Variants in ZBTB45 observed in about 807,000 individuals in gnomAD.
The protein encoded by ZBTB45 is zinc finger and BTB domain containing 45, also known as zinc finger and BTB domain-containing protein 45.
A neutral mutation model predicts 28.4 loss-of-function variants in ZBTB45; 22 were observed. The observed-to-expected ratio is 0.77, with a 90% CI of 0.55 to 1.10. The LOEUF (loss-of-function observed/expected upper bound fraction) is 1.10, where lower values mean the gene tolerates loss of function less well. Among genes scored for constraint, ZBTB45 ranks in the 50% least tolerant of loss-of-function variants. The pLI is 0.00. For missense variants in ZBTB45, 656 were observed against 750.2 expected, an observed-to-expected ratio of 0.87 and a Z score of 1.47; for synonymous variants, 361 against 332.3, an observed-to-expected ratio of 1.09 and a Z score of -0.94.
intron 1 of ZBTB45, chr19:58,519,281 C>G (rs1254360195): frequency 6.6e-6 from 1 of 152,306 alleles, no homozygotes; most frequent in Non-Finnish European, 1.5e-5. Context: ...TGAAAGGATT[C>G]TAATCTGTCC....
upstream of ZBTB45, among the ~76,000 whole-genome samples, chr19:58,524,471 G>GTGTGTGTA (rs2053596841): frequency 1.3e-5 from 2 of 149,826 alleles, no homozygotes; most frequent in South Asian, 2.1e-4. Flanking sequence ...GTGTGTGTGT[G>GTGTGTGTA]TGTATGAACC....
chr19:58,516,629 G>C lies in ZBTB45; in HGVS notation c.1045C>G (p.Pro349Ala). ...PGPPAPPPSA[P>A]SGPAPAPPPA... is the part of the protein sequence containing the mutation. ...GGGGGCGCAGGGGCTGGCCCCGATG[G>C]TGCTGAAGGGGGTGGTGCGGGTGGC... Residue 349 changes from proline to alanine, a missense_variant, in exon 2 of 3, where the codon CCA becomes GCA. Physicochemically the swap from Pro to Ala is conservative, Grantham distance 27. This residue lies in a region of ZBTB45 where 448 missense variants were observed against 444.3 expected (regional missense o/e 1.01). Coordinates refer to ENST00000594051, the MANE Select transcript of ZBTB45 (RefSeq NM_001316979.2). This position sits in a 1 kb window ranked among gnomAD's most constrained non-coding sequence, Gnocchi z 6.2. 6 of 1,561,848 alleles carry C rather than the reference G, an allele frequency of 3.8e-6. No homozygotes were observed. Among genetic ancestry groups the C allele is most frequent in the Non-Finnish European group, 5.2e-6 (6 of 1,154,166 alleles).
At position 58,516,238 on chromosome 19, in the gene ZBTB45, C is replaced by G. The variant is rs896834802; in HGVS notation, c.1279+157G>C. On this transcript the variant is annotated intron_variant, in intron 2 of 2. Transcript: ENST00000594051. This position sits in a 1 kb window ranked among gnomAD's most constrained non-coding sequence, Gnocchi z 6.2. ...CACAGAGTGGGGCTTTCCCCTCCCC[C>G]ACATACCTTGCACTTGGGGGAAGGC... 6.6e-6 allele frequency among the ~76,000 whole-genome samples: 1 copy of G among 152,186 alleles called. No individual in the cohort carries two copies. The highest frequency in any genetic ancestry group is 1.5e-5 in the Non-Finnish European group (1 of 68,032).
rs1352395692 is a variant in ZBTB45 at position 58,517,127 on chromosome 19, C to T, written c.547G>A (p.Ala183Thr). The change falls in exon 2 of 3, where the codon GCG (alanine) becomes ACG (threonine). Residue 183 changes from alanine to threonine, a missense_variant. Transcript: ENST00000594051. The part of the protein sequence containing the change: ...QRQPARLQLP[A>T]PPTPAKAEGP... ...TCAGCCTTGGCAGGTGTTGGGGGCG[C>T]TGGCAGCTGCAAACGCGCGGGCTGG... 1.1e-5 allele frequency: 17 copies of T among 1,612,752 alleles called. No individual in the cohort carries two copies. The highest frequency in any genetic ancestry group is 1.7e-4 in the Middle Eastern group (1 of 6,056).
chr19:58,527,221 A>C, intron 1 of ZBTB45, among the ~76,000 whole-genome samples: 1 of 152,292 alleles, frequency 6.6e-6, no homozygotes, highest in East Asian at 1.9e-4. Flanking sequence ...CACCACCCAC[A>C]GTAGGTGTAA....
chr19:58,532,089 G>A (rs1201182301), intron 1 of ZBTB45, among the ~76,000 whole-genome samples: 1 of 152,136 alleles, frequency 6.6e-6, no homozygotes, highest in East Asian at 1.9e-4. Context: ...CAGAAGGGGC[G>A]AGGGCACCCA....
Position 58,536,158 on chromosome 19 carries a change from C to T in ZBTB45, c.-1+2543G>A, listed in dbSNP as rs534784016. ...AGTGCCTGGCCAACATGGTAAAACC[C>T]CCTCTCTACTAAGAATACAAAAATT... On this transcript the variant is annotated intron_variant, in intron 1 of 1. Coordinates refer to the ZBTB45 transcript ENST00000600130. Among the ~76,000 whole-genome samples the T allele has an allele frequency of 3.9e-5, 6 of 151,928 alleles. No homozygotes were observed. The South Asian group carries it at 1.3e-3, about 32-fold the overall frequency.
chr19:58,521,388 AG>A (rs1228581033), upstream of ZBTB45, among the ~76,000 whole-genome samples: 136 of 107,162 alleles, frequency 1.3e-3, 2 homozygotes, highest in African/African-American at 1.4e-3. Context: ...AAAAAAAGAA[AG>A]AAAGAAAAGA....
chr19:58,538,402 C>A (rs2053672621), intron 1 of ZBTB45, among the ~76,000 whole-genome samples: 1 of 151,710 alleles, frequency 6.6e-6, no homozygotes, highest in African/African-American at 2.4e-5. Context: ...GGGTGGTGGG[C>A]TGGAGGGGGC....
intron 1 of ZBTB45, among the ~76,000 whole-genome samples, chr19:58,525,126 T>G (rs987955421): frequency 2.0e-5 from 3 of 152,056 alleles, no homozygotes; most frequent in African/African-American, 7.2e-5. Context: ...TGTGCCTGAT[T>G]CCATCTCAGT....
intron 1 of ZBTB45, among the ~76,000 whole-genome samples, chr19:58,536,232 G>A (rs914347321): frequency 2.0e-4 from 30 of 152,186 alleles, no homozygotes; most frequent in African/African-American, 6.3e-4. Flanking sequence ...TTGGGAGGCC[G>A]AGATGGGTGG....
chr19:58,529,203 G>T (rs1390833295), intron 1 of ZBTB45, among the ~76,000 whole-genome samples: 1 of 152,202 alleles, frequency 6.6e-6, no homozygotes, highest in Non-Finnish European at 1.5e-5. Flanking sequence ...ACTTTGGGAG[G>T]CCAAGGCAGG....
In ZBTB45 at chr19:58,534,638, G is replaced by A. The variant is rs1015990791; in HGVS notation, c.-1+4063C>T. Among the ~76,000 whole-genome samples the A allele has an allele frequency of 4.8e-5, 7 of 145,858 alleles. No individual in the cohort carries two copies. The Admixed American group carries it at 4.9e-4, about 10-fold the overall frequency. The stretch of plus-strand genomic sequence containing the variant: ...GTGGCGCAATCTCGGCTCACTGCAA[G>A]CTCCACCTCCCAGGTTCACGCCATT... On this transcript the variant is annotated intron_variant, in intron 1 of 1. Transcript: ENST00000600130.
In ZBTB45 at chr19:58,516,965, A is replaced by G. The variant is rs767725760; in HGVS notation, c.709T>C (p.Phe237Leu). Reference protein sequence around the residue: ...GPGEGQAPPSFPDCAAGFLTA... With the variant: ...GPGEGQAPPSLPDCAAGFLTA... ...AGGAAGCCAGCAGCACAGTCTGGGA[A>G]GGAAGGAGGTGCCTGGCCCTCGCCT... is the stretch of plus-strand genomic sequence containing the variant. Residue 237 changes from phenylalanine (F) to leucine (L), a missense_variant, in exon 2 of 3, where the codon TTC becomes CTC. By Grantham distance (22) the Phe-to-Leu change is conservative. This residue lies in a region of ZBTB45 where 448 missense variants were observed against 444.3 expected (regional missense o/e 1.01). Transcript: ENST00000594051. This position sits in a 1 kb window ranked among gnomAD's most constrained non-coding sequence, Gnocchi z 6.2. 1.2e-6 allele frequency: 2 copies of G among 1,613,140 alleles called. No homozygotes were observed. The highest frequency in any genetic ancestry group is 2.7e-5 in the African/African-American group (2 of 74,918).
In ZBTB45 at chr19:58,515,010, A is replaced by C. The variant is rs2053472823; in HGVS notation, c.1280-700T>G. On this transcript the variant is annotated intron_variant, in intron 2 of 2. Coordinates refer to ENST00000594051, the MANE Select transcript of ZBTB45 (RefSeq NM_001316979.2). The surrounding 1 kb of genome is among the most constrained non-coding windows in gnomAD (Gnocchi z 4.7). ...GGGGAGGCAGTCTGAGTCCACCCCTAGATTCATCAGATGTTAACAAAATGC... is the reference window on the plus strand; with the variant it reads ...GGGGAGGCAGTCTGAGTCCACCCCTCGATTCATCAGATGTTAACAAAATGC... Among the ~76,000 whole-genome samples, 1 of 152,144 alleles carries C rather than the reference A, an allele frequency of 6.6e-6. No individual in the cohort carries two copies. Among genetic ancestry groups the C allele is most frequent in the Non-Finnish European group, 1.5e-5 (1 of 68,022 alleles).
intron 1 of ZBTB45, among the ~76,000 whole-genome samples, chr19:58,533,301 A>C (rs1568652389): frequency 6.6e-6 from 1 of 152,208 alleles, no homozygotes; most frequent in Non-Finnish European, 1.5e-5. Flanking sequence ...ATCTAACCCT[A>C]ATTATTTCCC....
chr19:58,532,100 C>T (rs2053638199), intron 1 of ZBTB45, among the ~76,000 whole-genome samples: 1 of 152,178 alleles, frequency 6.6e-6, no homozygotes, highest in South Asian at 2.1e-4. Flanking sequence ...AGGGCACCCA[C>T]CAAGTCCAGG....
intron 1 of ZBTB45, among the ~76,000 whole-genome samples, chr19:58,531,694 A>G (rs768647655): frequency 5.9e-5 from 9 of 152,058 alleles, no homozygotes; most frequent in Non-Finnish European, 1.2e-4. Context: ...ATGGTGACAG[A>G]TGGGTTTATT....
rs781212472 is a variant in ZBTB45 at position 58,517,274 on chromosome 19, T to A, written c.400A>T (p.Thr134Ser). ...GGGGGCACAGGGGTGGGCAGGGGCG[T>A]GGGCGCAGAGGTGCCCGGGGCTCGA... ...RARAPGTSAP[T>S]PLPTPVPPPL... The change falls in exon 2 of 3, where the codon ACG becomes TCG. Residue 134 changes from threonine to serine, a missense_variant. Transcript: ENST00000594051. 6.3e-7 allele frequency: 1 copy of A among 1,585,320 alleles called. No individual in the cohort carries two copies. The highest frequency in any genetic ancestry group is 8.6e-7 in the Non-Finnish European group (1 of 1,168,972).
Sources: allele counts gnomAD v4.1 joint callset (sites outside exome capture counted in the v4.1 genomes callset), GRCh38; gene constraint gnomAD v4.1.1; regional missense constraint gnomAD v4.1.1; non-coding constraint Gnocchi (gnomAD v3.1); transcripts MANE v1.5; gene names NCBI Gene and HGNC (gene_info 2026-07-23, HGNC 2026-07-21).